Variants in NRG3 observed in about 807,000 individuals in gnomAD.
NRG3 encodes pro-neuregulin-3, membrane-bound isoform.
Under a neutral mutation model 66.9 loss-of-function variants are expected in NRG3, and 31 were observed. The ratio of observed to expected loss-of-function variants is 0.46; its 90% CI spans 0.35 to 0.63. The LOEUF (loss-of-function observed/expected upper bound fraction) is 0.63. Among genes scored for constraint, NRG3 ranks in the 20% least tolerant of loss-of-function variants. NRG3 has a pLI of 0.00. For missense variants in NRG3, 910 were observed against 878.9 expected, an observed-to-expected ratio of 1.04 and a Z score of -0.45; for synonymous variants, 393 against 359.4, an observed-to-expected ratio of 1.09 and a Z score of -1.06.
At chr10:82,018,956 G>A (rs1357753049) in intron 1 of NRG3, among the ~76,000 whole-genome samples, 2 of 152,100 alleles carry the variant, frequency 1.3e-5, no homozygotes, top group African/African-American at 4.8e-5. Flanking sequence ...GCCCTGGCCA[G>A]AACTTCCAAC....
At chr10:82,097,369 T>TACAC (rs60288660) in intron 1 of NRG3, among the ~76,000 whole-genome samples, 54,718 of 140,732 alleles carry the variant, frequency 0.39, 11,949 homozygotes, top group Non-Finnish European at 0.51. Context: ...TCCAGATGGT[T>TACAC]ACACACACAC....
chr10:81,968,852 C>T (rs547099505), intron 1 of NRG3, among the ~76,000 whole-genome samples: 1 of 152,270 alleles, frequency 6.6e-6, no homozygotes, highest in South Asian at 2.1e-4. Context: ...GGTTCTGAGG[C>T]AGGTGCTTAT....
intron 1 of NRG3, among the ~76,000 whole-genome samples, chr10:82,292,000 G>C (rs1410392522): frequency 1.3e-5 from 2 of 152,140 alleles, no homozygotes; most frequent in African/African-American, 2.4e-5. Context: ...TAAAATGCTT[G>C]TCTGAGAATG....
At chr10:82,706,633 AAATG>A (rs2134344433) in intron 2 of NRG3, among the ~76,000 whole-genome samples, 1 of 152,342 alleles carries the variant, frequency 6.6e-6, no homozygotes, top group Admixed American at 6.5e-5. Context: ...AACCATTTAG[AAATG>A]ATACATGTAT....
intron 1 of NRG3, among the ~76,000 whole-genome samples, chr10:82,198,155 T>C (rs1247602618): frequency 6.6e-6 from 1 of 152,160 alleles, no homozygotes; most frequent in African/African-American, 2.4e-5. Context: ...TTAAAAAATA[T>C]GGGGACGGAA....
At chr10:82,022,602 T>A (rs2062112662) in intron 1 of NRG3, among the ~76,000 whole-genome samples, 2 of 152,122 alleles carry the variant, frequency 1.3e-5, no homozygotes, top group Non-Finnish European at 2.9e-5. Flanking sequence ...TGATGGTTTC[T>A]GTCTTTAGAT....
At chr10:82,481,062 A>G (rs958878319) in intron 2 of NRG3, among the ~76,000 whole-genome samples, 1 of 152,136 alleles carries the variant, frequency 6.6e-6, no homozygotes, top group African/African-American at 2.4e-5. Context: ...CTCCTCCACC[A>G]TGAAAAACTC....
intron 4 of NRG3, among the ~76,000 whole-genome samples, chr10:82,895,878 C>A (rs541572780): frequency 6.6e-6 from 1 of 152,194 alleles, no homozygotes; most frequent in African/African-American, 2.4e-5. Context: ...ACTGGCTGGC[C>A]TAATGTCATT....
At chr10:82,761,149 G>A (rs980587929) in intron 3 of NRG3, among the ~76,000 whole-genome samples, 7 of 151,862 alleles carry the variant, frequency 4.6e-5, no homozygotes, top group South Asian at 2.1e-4. Context: ...ATGATATATA[G>A]CAAAAATGTA....
chr10:82,254,264 C>T (rs2134130514), intron 1 of NRG3, among the ~76,000 whole-genome samples: 1 of 152,260 alleles, frequency 6.6e-6, no homozygotes, highest in East Asian at 1.9e-4. Context: ...ACTTGAGAAA[C>T]ATCTTATAAA....
At chr10:81,975,246 C>A (rs769460265) in intron 1 of NRG3, among the ~76,000 whole-genome samples, 2 of 152,064 alleles carry the variant, frequency 1.3e-5, no homozygotes, top group Non-Finnish European at 2.9e-5. Flanking sequence ...TCCCCTATAT[C>A]AGTAGTTGAG....
chr10:82,107,065 G>A (rs575936272), intron 1 of NRG3, among the ~76,000 whole-genome samples: 1 of 152,134 alleles, frequency 6.6e-6, no homozygotes, highest in Non-Finnish European at 1.5e-5. Context: ...CATTAATACA[G>A]GTGGATAATC....
intron 4 of NRG3, among the ~76,000 whole-genome samples, chr10:82,931,720 T>C (rs1259519182): frequency 6.6e-6 from 1 of 152,126 alleles, no homozygotes; most frequent in Non-Finnish European, 1.5e-5. Context: ...ACTTTCTGTG[T>C]TTATGTTTCT....
intron 3 of NRG3, among the ~76,000 whole-genome samples, chr10:82,743,866 A>G (rs1034890785): frequency 2.0e-5 from 3 of 152,176 alleles, no homozygotes; most frequent in Non-Finnish European, 4.4e-5. Context: ...GCCTTTCTCA[A>G]TTGTATTTAA....
At chr10:81,882,901 C>G (rs1490406649) in intron 1 of NRG3, among the ~76,000 whole-genome samples, 1 of 152,146 alleles carries the variant, frequency 6.6e-6, no homozygotes. Context: ...GTCATCATTT[C>G]TCATTCTTTG....
At chr10:82,713,233 A>G (rs2056783255) in intron 2 of NRG3, among the ~76,000 whole-genome samples, 1 of 152,100 alleles carries the variant, frequency 6.6e-6, no homozygotes, top group African/African-American at 2.4e-5. Flanking sequence ...TCCATTTTAA[A>G]TGACTTGGGG....
chr10:82,622,230 A>G lies in NRG3; in HGVS notation c.954-116347A>G, dbSNP rs550498338. 2.1e-5 allele frequency among the ~76,000 whole-genome samples: 3 copies of G among 145,082 alleles called. No homozygotes were observed. The South Asian group carries it at 6.9e-4, about 33-fold the overall frequency. ...AAGGTAATACTATTTTTTTGCAGTG[A>G]TGGTGCTTCCTTTCCTGATTTTGAA... On this transcript the variant is annotated intron_variant, in intron 2 of 8. Transcript: ENST00000372141.
At chr10:81,965,092 G>C (rs1589620391) in intron 1 of NRG3, among the ~76,000 whole-genome samples, 1 of 152,294 alleles carries the variant, frequency 6.6e-6, no homozygotes, top group East Asian at 1.9e-4. Context: ...AAAGAAAACA[G>C]ACAACCAGCT....
At chr10:82,407,141 A>G (rs2087583283) in intron 2 of NRG3, among the ~76,000 whole-genome samples, 1 of 146,914 alleles carries the variant, frequency 6.8e-6, no homozygotes, top group African/African-American at 2.6e-5. Context: ...TTAGAAGATC[A>G]CAATAAGAAA....
Sources: allele counts gnomAD v4.1 joint callset (sites outside exome capture counted in the v4.1 genomes callset), GRCh38; gene constraint gnomAD v4.1.1; transcripts MANE v1.5; gene names NCBI Gene and HGNC (gene_info 2026-07-23, HGNC 2026-07-21).